SIPA1L3: variants seen among roughly 807,000 people sequenced by gnomAD.
SIPA1L3 encodes the protein signal-induced proliferation-associated 1-like protein 3.
In SIPA1L3, 59 loss-of-function variants were observed where a neutral mutation model predicts 150.1. The observed-to-expected ratio is 0.39, with a 90% confidence interval of 0.32 to 0.49. The LOEUF (loss-of-function observed/expected upper bound fraction) is 0.49. SIPA1L3 is among the 20% of genes least tolerant of loss of function. The pLI is 0.86. For synonymous variants in SIPA1L3, 1,070 were observed against 1,077.6 expected, an observed-to-expected ratio of 0.99 and a Z score of 0.14; for missense variants, 2,211 against 2,489.5, an observed-to-expected ratio of 0.89 and a Z score of 2.38.
chr19:38,113,715 C>T (rs550217072), intron 8 of SIPA1L3, among the ~76,000 whole-genome samples: 2 of 152,272 alleles, frequency 1.3e-5, no homozygotes, highest in South Asian at 4.1e-4. Flanking sequence ...CAGCACAGAG[C>T]TTGGCACATA....
chr19:38,039,256 G>C (rs963291490), intron 2 of SIPA1L3, among the ~76,000 whole-genome samples: 3 of 152,046 alleles, frequency 2.0e-5, no homozygotes, highest in Non-Finnish European at 4.4e-5. Flanking sequence ...AATGCCCCAA[G>C]ATAATCACTT....
intron 21 of SIPA1L3, among the ~76,000 whole-genome samples, chr19:38,205,781 G>A (rs901634446): frequency 6.6e-6 from 1 of 152,204 alleles, no homozygotes; most frequent in Admixed American, 6.5e-5. Flanking sequence ...TCCTCGGGTA[G>A]TGTGAAGGTG....
intron 2 of SIPA1L3, among the ~76,000 whole-genome samples, chr19:38,056,128 A>C (rs1191868517): frequency 1.3e-5 from 2 of 152,146 alleles, no homozygotes; most frequent in African/African-American, 2.4e-5. Flanking sequence ...CTGAGGATTG[A>C]CTGCCTTGCT....
In SIPA1L3 at chr19:38,082,219, C is replaced by A. The variant is rs760535692; in HGVS notation, c.654C>A (p.Phe218Leu). Residue 218 changes from phenylalanine to leucine, a missense_variant, in exon 3 of 22, where the codon TTC (phenylalanine) becomes TTA (leucine). By Grantham distance (22) the Phe-to-Leu change is conservative (BLOSUM62 0). Transcript: ENST00000222345. The stretch of plus-strand genomic sequence containing the variant: ...TGCAGGGCATGCCCGAGCAGAGCTT[C>A]TTCGACATCCTGAACGAGTTCCGCA... ...IDVQGMPEQSFFDILNEFRSE... is the reference protein window; with the variant it reads ...IDVQGMPEQSLFDILNEFRSE... The A allele has an allele frequency of 1.9e-6, 3 of 1,602,374 alleles. No homozygotes were observed. Among genetic ancestry groups the A allele is most frequent in the Non-Finnish European group, 2.5e-6 (3 of 1,179,782 alleles).
At chr19:37,991,225 C>CT (rs1382243197) in intron 1 of SIPA1L3, among the ~76,000 whole-genome samples, 1 of 152,132 alleles carries the variant, frequency 6.6e-6, no homozygotes, top group African/African-American at 2.4e-5. Flanking sequence ...GAGCAAGACT[C>CT]TGTCTCAAAA....
intron 2 of SIPA1L3, among the ~76,000 whole-genome samples, chr19:38,064,150 G>T (rs571604484): frequency 1.8e-4 from 28 of 152,334 alleles, no homozygotes; most frequent in Middle Eastern, 3.4e-3. Context: ...ATAGGACTGT[G>T]CCCAGAACTG....
chr19:38,011,969 G>C (rs1441664793), intron 1 of SIPA1L3, among the ~76,000 whole-genome samples: 1 of 151,992 alleles, frequency 6.6e-6, no homozygotes, highest in Non-Finnish European at 1.5e-5. Flanking sequence ...GATGAGGGAA[G>C]GAGGGACAGG....
At chr19:38,035,556 C>T (rs1184856262) in intron 2 of SIPA1L3, among the ~76,000 whole-genome samples, 1 of 152,136 alleles carries the variant, frequency 6.6e-6, no homozygotes, top group African/African-American at 2.4e-5. Context: ...TCCAGCTGAC[C>T]TGGGGTCTAG....
intron 1 of SIPA1L3, among the ~76,000 whole-genome samples, chr19:37,982,305 C>T (rs1409398366): frequency 1.3e-5 from 2 of 152,172 alleles, no homozygotes; most frequent in Non-Finnish European, 2.9e-5. Context: ...CCATTGGCTC[C>T]CAGAGGCCTT....
rs1211862749 is a variant in SIPA1L3 at position 38,047,773 on chromosome 19, C to A, written c.-311+18617C>A. ...CTCGGACCACGTGTCATTTTAGAGA[C>A]CCCAGCGGCAGTCCAGATCCTGAAG... On this transcript the variant is annotated intron_variant, in intron 2 of 21. Transcript: ENST00000222345. This position sits in a 1 kb window ranked among gnomAD's most constrained non-coding sequence, Gnocchi z 4.7. 6.6e-6 allele frequency among the ~76,000 whole-genome samples: 1 copy of A among 152,170 alleles called. No individual in the cohort carries two copies. Among genetic ancestry groups the A allele is most frequent in the Non-Finnish European group, 1.5e-5 (1 of 68,036 alleles).
At chr19:38,124,267 G>A (rs1971112785) in intron 9 of SIPA1L3, among the ~76,000 whole-genome samples, 1 of 148,206 alleles carries the variant, frequency 6.7e-6, no homozygotes, top group Admixed American at 6.7e-5. Flanking sequence ...CAGGCGGAGG[G>A]TCTCCTCACT....
At chr19:38,153,407 C>T (rs922888379) in intron 13 of SIPA1L3, among the ~76,000 whole-genome samples, 4 of 152,088 alleles carry the variant, frequency 2.6e-5, no homozygotes, top group Non-Finnish European at 4.4e-5. Flanking sequence ...GGGTGGCTCA[C>T]GCCTATAATC....
At chr19:38,055,073 C>T (rs531986238) in intron 2 of SIPA1L3, among the ~76,000 whole-genome samples, 5 of 152,192 alleles carry the variant, frequency 3.3e-5, no homozygotes, top group Non-Finnish European at 7.3e-5. Context: ...CTAGCCTTGT[C>T]GCTTCCTAAC....
At chr19:38,076,429 C>T (rs569461636) in intron 2 of SIPA1L3, among the ~76,000 whole-genome samples, 20 of 152,246 alleles carry the variant, frequency 1.3e-4, no homozygotes, top group African/African-American at 4.8e-4. Context: ...GTCATAGTTT[C>T]GCGACCACCT....
chr19:38,111,581 C>T (rs1239638463), intron 8 of SIPA1L3, among the ~76,000 whole-genome samples: 1 of 152,218 alleles, frequency 6.6e-6, no homozygotes, highest in Non-Finnish European at 1.5e-5. Flanking sequence ...CGCGAAATTA[C>T]CGCGGGTCTA....
In SIPA1L3 at chr19:38,119,642, G is replaced by C. The variant is rs755194415; in HGVS notation, c.2628G>C (p.Val876=). The change falls in exon 9 of 22, where the codon GTG becomes GTC. Residue 876 remains valine, a synonymous_variant. Transcript: ENST00000222345. The stretch of plus-strand genomic sequence containing the variant: ...CAGGGGCCATCGCCTGGAGGGTGGT[G>C]GCCCAGGACTACGCCCAGGGGGTGG... ...HSAGAIAWRV[V]AQDYAQGVEI... The C allele has an allele frequency of 1.2e-6, 2 of 1,614,062 alleles. No individual in the cohort carries two copies. Among genetic ancestry groups the C allele is most frequent in the Admixed American group, 3.3e-5 (2 of 59,998 alleles).
intron 2 of SIPA1L3, among the ~76,000 whole-genome samples, chr19:38,071,356 G>T (rs765328212): frequency 6.6e-6 from 1 of 151,846 alleles, no homozygotes; most frequent in African/African-American, 2.4e-5. Flanking sequence ...GCGTGATCTC[G>T]GCTCACTGCC....
At chr19:38,060,699 C>CT (rs1367465994) in intron 2 of SIPA1L3, among the ~76,000 whole-genome samples, 2 of 151,754 alleles carry the variant, frequency 1.3e-5, no homozygotes, top group East Asian at 3.9e-4. Context: ...TAAGTGCTAA[C>CT]TTTTTTTTTG....
chr19:37,993,221 C>T (rs1967556138), intron 1 of SIPA1L3, among the ~76,000 whole-genome samples: 2 of 152,168 alleles, frequency 1.3e-5, no homozygotes, highest in Admixed American at 6.5e-5. Flanking sequence ...GGGATGACAC[C>T]CACTTCACAT....
Sources: gnomAD v4.1 joint callset for allele counts (sites outside exome capture counted in the v4.1 genomes callset) on GRCh38, gnomAD v4.1.1 for gene constraint, Gnocchi (gnomAD v3.1) non-coding constraint, MANE v1.5 for transcripts, NCBI Gene and HGNC (gene_info 2026-07-23, HGNC 2026-07-21) for gene names.